OTOL1: variants seen among roughly 807,000 people sequenced by gnomAD.
OTOL1 encodes the protein otolin 1, also known as otolin-1.
A neutral mutation model predicts 25.0 loss-of-function variants in OTOL1; 31 were observed. The observed-to-expected ratio is 1.24, with a 90% CI of 0.93 to 1.67. OTOL1 has a LOEUF of 1.67. Ranked by LOEUF, OTOL1 falls within the 40% of genes most tolerant of loss-of-function variation. The pLI is 0.00. For missense variants in OTOL1, 654 were observed against 587.7 expected (o/e 1.11, Z -1.17); for synonymous variants, 225 against 210.3 (o/e 1.07, Z -0.61).
intron 2 of OTOL1, among the ~76,000 whole-genome samples, chr3:161,500,418 G>A (rs1718947274): frequency 6.6e-6 from 1 of 152,126 alleles, no homozygotes; most frequent in Non-Finnish European, 1.5e-5. Flanking sequence ...AAAAAAATAG[G>A]GAAGTGTAAT....
intron 2 of OTOL1, among the ~76,000 whole-genome samples, chr3:161,500,085 TACC>T (rs1718937602): frequency 6.6e-6 from 1 of 152,136 alleles, no homozygotes; most frequent in Non-Finnish European, 1.5e-5. Flanking sequence ...CCTGTAGAAA[TACC>T]ATCTATCCAT....
At chr3:161,502,399 A>G (rs1390399246) in intron 3 of OTOL1, 30 bp downstream of exon 3, 1 of 1,576,696 alleles carries the variant, frequency 6.3e-7, no homozygotes, top group Non-Finnish European at 8.7e-7. Flanking sequence ...TACTGTGTAC[A>G]GTCAGGTGCG....
intron 2 of OTOL1, 40 bp downstream of exon 2, chr3:161,499,300 GCAT>G (rs1718915264): frequency 6.1e-6 from 9 of 1,478,424 alleles, no homozygotes; most frequent in Non-Finnish European, 8.3e-6. Flanking sequence ...GGGACATTCT[GCAT>G]CATTTTTCAG....
At chr3:161,502,975 C>T in intron 3 of OTOL1, 51 bp from the exon 4 acceptor site, 1 of 1,236,328 alleles carries the variant, frequency 8.1e-7, no homozygotes. Flanking sequence ...TAATAGCATG[C>T]TGTTTATGGC....
At chr3:161,498,750 TG>T (rs1427815244) in intron 1 of OTOL1, among the ~76,000 whole-genome samples, 9 of 152,122 alleles carry the variant, frequency 5.9e-5, no homozygotes, top group Non-Finnish European at 8.8e-5. Context: ...GCAGGGTGCT[TG>T]GTGTATAGGA....
chr3:161,500,737 C>A (rs184501850), intron 2 of OTOL1, among the ~76,000 whole-genome samples: 1 of 152,276 alleles, frequency 6.6e-6, no homozygotes, highest in Admixed American at 6.6e-5. Flanking sequence ...CTCTTCCCTT[C>A]CATTTAGGGC....
chr3:161,503,921 A>C lies in OTOL1; in HGVS notation c.1413A>C (p.Glu471Asp). 2.5e-6 allele frequency: 4 copies of C among 1,611,382 alleles called. No homozygotes were observed. In the South Asian group the frequency reaches 3.3e-5, roughly 13 times the overall value. ...IFTGFLLYPE[E>D]TSGISP ...CTGGGTTCCTTTTGTACCCAGAGGA[A>C]ACTTCTGGAATTTCACCATAAATTT... The change falls in exon 4 of 4, where the codon GAA (glutamate) becomes GAC (aspartate). Residue 471 changes from glutamate (E) to aspartate (D), a missense_variant. Coordinates refer to ENST00000327928, the MANE Select transcript of OTOL1 (RefSeq NM_001080440.1).
Position 161,503,747 on chromosome 3 carries a change from C to G in OTOL1, c.1239C>G (p.Phe413Leu), listed in dbSNP as rs755819960. 10 of 1,613,730 alleles carry G rather than the reference C, an allele frequency of 6.2e-6. No individual in the cohort carries two copies. In the Admixed American group the frequency reaches 1.0e-4, roughly 16 times the overall value. Residue 413 changes from phenylalanine (F) to leucine (L), a missense_variant, in exon 4 of 4, where the codon TTC (phenylalanine) becomes TTG (leucine). Transcript: ENST00000327928. ...ISLVAQNKKQ[F>L]KSRETLYGQE... The stretch of plus-strand genomic sequence containing the variant: ...TGGTGGCCCAGAATAAGAAGCAGTT[C>G]AAGTCCAGAGAAACTCTCTATGGTC...
chr3:161,499,432 T>C (rs939215587), intron 2 of OTOL1, among the ~76,000 whole-genome samples, 172 bp downstream of exon 2: 1 of 152,184 alleles, frequency 6.6e-6, no homozygotes, highest in African/African-American at 2.4e-5. Context: ...AACAGCCAAT[T>C]GAGAAATTTT....
Position 161,503,412 on chromosome 3 carries a change from G to T in OTOL1, c.904G>T (p.Gly302Cys). The T allele has an allele frequency of 1.2e-6, 2 of 1,612,608 alleles. No individual in the cohort carries two copies. Among genetic ancestry groups the T allele is most frequent in the East Asian group, 4.5e-5 (2 of 44,782 alleles). Residue 302 changes from glycine to cysteine, a missense_variant, in exon 4 of 4, where the codon GGT becomes TGT. Transcript: ENST00000327928. ...KGEKGELGPP[G>C]LLGPTGPKGD... The stretch of plus-strand genomic sequence containing the variant: ...AGAAAAAGGAGAGTTAGGTCCTCCT[G>T]GTCTCCTGGGACCTACTGGGCCGAA...
chr3:161,498,357 C>T lies in OTOL1; in HGVS notation c.365-814C>T, dbSNP rs567813758. Reference sequence around the variant, plus strand: ...CATTCTCTCCTCTAAATATATATGACAAATAATTCCAAGGTGTGCCAAGTT... The same window carrying T: ...CATTCTCTCCTCTAAATATATATGATAAATAATTCCAAGGTGTGCCAAGTT... On this transcript the variant is annotated intron_variant, in intron 1 of 3. Transcript: ENST00000327928. Among the ~76,000 whole-genome samples the T allele has an allele frequency of 2.0e-5, 3 of 152,192 alleles. No individual in the cohort carries two copies. In the East Asian group the frequency reaches 5.8e-4, roughly 29 times the overall value.
At chr3:161,498,542 C>G (rs1576945669) in intron 1 of OTOL1, among the ~76,000 whole-genome samples, 1 of 152,102 alleles carries the variant, frequency 6.6e-6, no homozygotes, top group Non-Finnish European at 1.5e-5. Flanking sequence ...AGCTTAATAC[C>G]ATTTTCTCAA....
At chr3:161,502,465 C>A (rs1718997716) in intron 3 of OTOL1, 96 bp downstream of exon 3, 3 of 1,026,306 alleles carry the variant, frequency 2.9e-6, no homozygotes, top group African/African-American at 1.6e-5. Flanking sequence ...GAGAGGTAAG[C>A]TGAAAATACA....
intron 3 of OTOL1, 38 bp from the exon 4 acceptor site, chr3:161,502,988 A>G: frequency 7.7e-7 from 1 of 1,295,116 alleles, no homozygotes; most frequent in Non-Finnish European, 9.9e-7. Flanking sequence ...TTTATGGCCT[A>G]TGTGATCCTT....
At position 161,503,365 on chromosome 3, in the gene OTOL1, A is replaced by C. The variant is rs1369247082; in HGVS notation, c.857A>C (p.Lys286Thr). 6.2e-7 allele frequency: 1 copy of C among 1,604,692 alleles called. No homozygotes were observed. The highest frequency in any genetic ancestry group is 1.3e-5 in the African/African-American group (1 of 74,560). The change falls in exon 4 of 4, where the codon AAA (lysine) becomes ACA (threonine). Residue 286 changes from lysine (K) to threonine (T), a missense_variant. By Grantham distance (78) the Lys-to-Thr change is moderately conservative. Coordinates refer to ENST00000327928, the MANE Select transcript of OTOL1 (RefSeq NM_001080440.1). ...KSGRNGLPGA[K>T]GDPGIKGEKG... ...GGCCGTAATGGTCTGCCTGGGGCCA[A>C]AGGTGATCCAGGGATTAAAGGAGAA...
chr3:161,500,382 G>C (rs1406848736), intron 2 of OTOL1, among the ~76,000 whole-genome samples: 1 of 152,100 alleles, frequency 6.6e-6, no homozygotes, highest in Non-Finnish European at 1.5e-5. Flanking sequence ...CATACATTTT[G>C]GAAGCTAGAC....
At chr3:161,501,382 C>A (rs1291847838) in intron 2 of OTOL1, among the ~76,000 whole-genome samples, 1 of 151,476 alleles carries the variant, frequency 6.6e-6, no homozygotes, top group African/African-American at 2.4e-5. Context: ...TAGTTGAAAT[C>A]AATTCAGTGT....
chr3:161,496,828 T>C lies in OTOL1; in HGVS notation c.21T>C (p.Leu7=), dbSNP rs1361605884. The C allele has an allele frequency of 1.3e-6, 2 of 1,584,858 alleles. No individual in the cohort carries two copies. Among genetic ancestry groups the C allele is most frequent in the African/African-American group, 1.4e-5 (1 of 73,596 alleles). Residue 7 remains leucine, a synonymous_variant, in exon 1 of 4, where the codon CTT becomes CTC. Transcript: ENST00000327928. ...CAAATATGTGGATGTTTTCTTGGCTTTGTGCTATTTTAATTATTTTGGCTA... is the reference window on the plus strand; with the variant it reads ...CAAATATGTGGATGTTTTCTTGGCTCTGTGCTATTTTAATTATTTTGGCTA... MWMFSW[L]CAILIILAIA...
chr3:161,498,476 TCC>T (rs1718891996), intron 1 of OTOL1, among the ~76,000 whole-genome samples: 1 of 152,152 alleles, frequency 6.6e-6, no homozygotes, highest in African/African-American at 2.4e-5. Context: ...ACTATCTTGG[TCC>T]TACTTAGGGA....
Sources: gnomAD v4.1 joint callset for allele counts (sites outside exome capture counted in the v4.1 genomes callset) on GRCh38, gnomAD v4.1.1 for gene constraint, MANE v1.5 for transcripts, NCBI Gene and HGNC (gene_info 2026-07-23, HGNC 2026-07-21) for gene names.